MUSK: variants seen among roughly 807,000 people sequenced by gnomAD.
MUSK encodes the protein muscle, skeletal receptor tyrosine-protein kinase.
Under a neutral mutation model 88.7 loss-of-function variants are expected in MUSK, and 55 were observed. The observed-to-expected ratio is 0.62, with a 90% CI of 0.50 to 0.78. The LOEUF is 0.78. Among genes scored for constraint, MUSK ranks in the 30% least tolerant of loss-of-function variants. The pLI, the probability that MUSK is intolerant of heterozygous loss-of-function variation, is 0.00. For missense variants in MUSK, 1,015 were observed against 1,074.3 expected, an observed-to-expected ratio of 0.94 and a Z score of 0.77; for synonymous variants, 387 against 391.9, an observed-to-expected ratio of 0.99 and a Z score of 0.15.
Position 110,747,678 on chromosome 9 carries a change from G to A in MUSK, c.791G>A (p.Arg264Gln), listed in dbSNP as rs193019632. The stretch of plus-strand genomic sequence containing the variant: ...TCCATTCAAGAGAGTGTGAAAGACC[G>A]AGTGATTGACTCAAGACTGCAGCTG... ...SGSIQESVKD[R>Q]VIDSRLQLFI... Residue 264 changes from arginine (R) to glutamine (Q), a missense_variant, in exon 7 of 15, where the codon CGA becomes CAA. By Grantham distance (43) the Arg-to-Gln change is conservative. Transcript: ENST00000374448. 5.2e-5 allele frequency: 84 copies of A among 1,613,706 alleles called. No homozygotes were observed. The highest frequency in any genetic ancestry group is 8.8e-5 in the South Asian group (8 of 91,048).
chr9:110,770,123 T>A lies in MUSK; in HGVS notation c.1184+2040T>A, dbSNP rs533955102. On this transcript the variant is annotated intron_variant, in intron 9 of 14. Coordinates refer to ENST00000374448, the MANE Select transcript of MUSK (RefSeq NM_005592.4). Reference sequence around the variant, plus strand: ...CTATTTTTGCATTAGAGACTTTGGGTTTAATTACTGTCTTTATAATTAATT... The same window carrying A: ...CTATTTTTGCATTAGAGACTTTGGGATTAATTACTGTCTTTATAATTAATT... Among the ~76,000 whole-genome samples the A allele has an allele frequency of 9.2e-5, 14 of 151,968 alleles. No individual in the cohort carries two copies. The South Asian group carries it at 2.9e-3, about 32-fold the overall frequency.
chr9:110,778,233 C>A (rs575938571), intron 11 of MUSK, among the ~76,000 whole-genome samples: 56 of 152,124 alleles, frequency 3.7e-4, no homozygotes, highest in Middle Eastern at 3.4e-3. Flanking sequence ...TTTATAATTT[C>A]TTTGGCTGAA....
intron 5 of MUSK, among the ~76,000 whole-genome samples, chr9:110,702,280 A>G (rs1207750843): frequency 6.6e-6 from 1 of 152,000 alleles, no homozygotes; most frequent in Non-Finnish European, 1.5e-5. Flanking sequence ...TCTAAAGGTA[A>G]TGGGACAGGT....
Position 110,767,871 on chromosome 9 carries a change from G to A in MUSK, c.972G>A (p.Val324=), listed in dbSNP as rs746608909. ...KGYCAQYRGE[V]CNAVLAKDAL... ...ACTGCGCCCAGTACAGAGGGGAGGTGTGTAATGCAGTCCTGGCAAAAGATG... is the reference window on the plus strand; with the variant it reads ...ACTGCGCCCAGTACAGAGGGGAGGTATGTAATGCAGTCCTGGCAAAAGATG... Residue 324 remains valine (V), a synonymous_variant, in exon 9 of 15, where the codon GTG becomes GTA. Transcript: ENST00000374448. 1.2e-6 allele frequency: 2 copies of A among 1,613,950 alleles called. No homozygotes were observed. Among genetic ancestry groups the A allele is most frequent in the South Asian group, 1.1e-5 (1 of 91,084 alleles).
chr9:110,690,054 AAT>A (rs2076302844), intron 3 of MUSK, among the ~76,000 whole-genome samples: 1 of 93,178 alleles, frequency 1.1e-5, no homozygotes, highest in African/African-American at 4.9e-5. Context: ...TAAATATATA[AAT>A]ATATATTATG....
chr9:110,747,639 A>G lies in MUSK; in HGVS notation c.754-2A>G, dbSNP rs1587986079. 1.2e-6 allele frequency: 2 copies of G among 1,608,896 alleles called. No homozygotes were observed. Among genetic ancestry groups the G allele is most frequent in the Admixed American group, 1.7e-5 (1 of 59,840 alleles). ...TTCTTTTATTTTCCTTTACTCTGTC[A>G]GGTTTCTTCTGGGTCCATTCAAGAG... On this transcript the variant is annotated splice_acceptor_variant, in intron 6 of 14. Coordinates refer to ENST00000374448, the MANE Select transcript of MUSK (RefSeq NM_005592.4). LOFTEE classifies it high-confidence loss of function.
At chr9:110,689,928 TA>T (rs1404735645) in intron 3 of MUSK, among the ~76,000 whole-genome samples, 1 of 93,594 alleles carries the variant, frequency 1.1e-5, no homozygotes, top group Non-Finnish European at 1.8e-5. Flanking sequence ...TATTTAAATA[TA>T]ATATATAAAT....
At chr9:110,721,468 C>G (rs2076810181) in intron 5 of MUSK, among the ~76,000 whole-genome samples, 1 of 152,002 alleles carries the variant, frequency 6.6e-6, no homozygotes, top group African/African-American at 2.4e-5. Context: ...AAAATCAAAT[C>G]AAGAACTCAA....
chr9:110,728,333 T>C, intron 5 of MUSK: 1 of 220,478 alleles, frequency 4.5e-6, no homozygotes. Context: ...GGGAACGCAA[T>C]GTATGAGAAT....
At chr9:110,726,457 T>C (rs1302198736) in intron 5 of MUSK, among the ~76,000 whole-genome samples, 1 of 152,108 alleles carries the variant, frequency 6.6e-6, no homozygotes, top group Non-Finnish European at 1.5e-5. Flanking sequence ...TAGTCCTGTA[T>C]AGATCATGGA....
rs760793449 is a variant in MUSK, at chr9:110,787,710, A to G, written c.1799A>G (p.Tyr600Cys). Reference protein sequence around the residue: ...FQARAPGLLPYEPFTMVAVKM... With the variant: ...FQARAPGLLPCEPFTMVAVKM... ...CTCAGGGCACCAGGCTTACTTCCCTATGAACCTTTCACTATGGTGGCAGTA... is the reference window on the plus strand; with the variant it reads ...CTCAGGGCACCAGGCTTACTTCCCTGTGAACCTTTCACTATGGTGGCAGTA... Residue 600 changes from tyrosine (Y) to cysteine (C), a missense_variant, in exon 14 of 15, where the codon TAT becomes TGT. Transcript: ENST00000374448. 9.3e-6 allele frequency: 15 copies of G among 1,613,958 alleles called. No homozygotes were observed. The South Asian group carries it at 1.5e-4, about 17-fold the overall frequency.
At chr9:110,777,709 G>A (rs183310331) in intron 11 of MUSK, among the ~76,000 whole-genome samples, 1 of 152,116 alleles carries the variant, frequency 6.6e-6, no homozygotes, top group East Asian at 1.9e-4. Flanking sequence ...TGTGTGGAAG[G>A]ACCAGACCAT....
At chr9:110,671,898 C>T (rs3010815) in intron 1 of MUSK, among the ~76,000 whole-genome samples, 81,925 of 152,052 alleles carry the variant, frequency 0.54, 23,060 homozygotes, top group African/African-American at 0.7. Context: ...ACTTTCAAAA[C>T]ACCCGACTTA....
chr9:110,712,210 A>T (rs1171947952), intron 5 of MUSK, among the ~76,000 whole-genome samples: 1 of 150,772 alleles, frequency 6.6e-6, no homozygotes, highest in African/African-American at 2.4e-5. Flanking sequence ...GTCTCTGCTG[A>T]GAAACTGACA....
In MUSK at chr9:110,688,712, G is replaced by C. The variant is rs1050382008; in HGVS notation, c.358+1444G>C. 3.3e-5 allele frequency among the ~76,000 whole-genome samples: 5 copies of C among 151,792 alleles called. No homozygotes were observed. The South Asian group carries it at 6.2e-4, about 19-fold the overall frequency. On this transcript the variant is annotated intron_variant, in intron 3 of 14. Transcript: ENST00000374448. ...TCCCACTTCTAAGTGAGAACATGCAGTGTTTGGTTATCTGTTCCTGCATTA... is the reference window on the plus strand; with the variant it reads ...TCCCACTTCTAAGTGAGAACATGCACTGTTTGGTTATCTGTTCCTGCATTA...
Position 110,673,622 on chromosome 9 carries a change from C to A in MUSK, c.79+4639C>A, listed in dbSNP as rs557508654. 2.0e-5 allele frequency among the ~76,000 whole-genome samples: 3 copies of A among 152,262 alleles called. No homozygotes were observed. In the South Asian group the frequency reaches 6.2e-4, roughly 32 times the overall value. On this transcript the variant is annotated intron_variant, in intron 1 of 14. Coordinates refer to ENST00000374448, the MANE Select transcript of MUSK (RefSeq NM_005592.4). ...GTCTATTTTCCAAGACATTCTAAGA[C>A]TCACTTCTTTGATCTTAACTGATCT... is the stretch of plus-strand genomic sequence containing the variant.
intron 11 of MUSK, among the ~76,000 whole-genome samples, chr9:110,781,840 T>C (rs139647570): frequency 6.6e-6 from 1 of 152,328 alleles, no homozygotes; most frequent in East Asian, 1.9e-4. Flanking sequence ...TCTACCCTTA[T>C]TCATTTCAAC....
intron 5 of MUSK, among the ~76,000 whole-genome samples, chr9:110,729,918 T>G (rs1393667752): frequency 2.0e-5 from 3 of 152,086 alleles, no homozygotes; most frequent in African/African-American, 7.2e-5. Flanking sequence ...TACACTCCAG[T>G]GCAATTTCAG....
At chr9:110,709,269 C>T (rs901375434) in intron 5 of MUSK, among the ~76,000 whole-genome samples, 5 of 152,082 alleles carry the variant, frequency 3.3e-5, no homozygotes, top group South Asian at 2.1e-4. Flanking sequence ...TATTTATTTC[C>T]GTGAACAACA....
Sources: gnomAD v4.1 joint callset for allele counts (sites outside exome capture counted in the v4.1 genomes callset) on GRCh38, gnomAD v4.1.1 for gene constraint, MANE v1.5 for transcripts, NCBI Gene and HGNC (gene_info 2026-07-23, HGNC 2026-07-21) for gene names.